Variants in HS6ST3 observed in about 807,000 individuals in gnomAD.
HS6ST3 encodes heparan-sulfate 6-O-sulfotransferase 3.
In HS6ST3, 12 loss-of-function variants were observed where a neutral mutation model predicts 36.7. That is an observed-to-expected ratio of 0.33 (90% CI 0.21 to 0.53). The LOEUF (loss-of-function observed/expected upper bound fraction) is 0.53. Among genes scored for constraint, HS6ST3 ranks in the 20% least tolerant of loss-of-function variants. HS6ST3 has a pLI of 0.95. For missense variants in HS6ST3, 584 were observed against 640.9 expected (o/e 0.91, Z 0.96); for synonymous variants, 240 against 257.5 (o/e 0.93, Z 0.65).
At chr13:96,716,653 A>G (rs1015550293) in intron 1 of HS6ST3, among the ~76,000 whole-genome samples, 18 of 152,276 alleles carry the variant, frequency 1.2e-4, no homozygotes, top group Middle Eastern at 3.4e-3. Flanking sequence ...ATCATCATCT[A>G]TCATCTGTCA....
intron 1 of HS6ST3, among the ~76,000 whole-genome samples, chr13:96,711,352 G>A (rs1431983558): frequency 1.3e-5 from 2 of 152,148 alleles, no homozygotes; most frequent in African/African-American, 2.4e-5. Context: ...CTAATGATAT[G>A]TAACGTATAA....
intron 1 of HS6ST3, among the ~76,000 whole-genome samples, chr13:96,616,973 C>T (rs1341496437): frequency 3.3e-5 from 5 of 152,228 alleles, no homozygotes; most frequent in South Asian, 4.1e-4. Flanking sequence ...CTCTTCTTTC[C>T]GTAAATGTGT....
chr13:96,387,851 C>G (rs903742572), intron 1 of HS6ST3, among the ~76,000 whole-genome samples: 2 of 152,164 alleles, frequency 1.3e-5, no homozygotes, highest in Non-Finnish European at 2.9e-5. Context: ...TGTAAATTCT[C>G]TCTTTTCTGC....
intron 1 of HS6ST3, among the ~76,000 whole-genome samples, chr13:96,525,866 G>C (rs187463963): frequency 6.6e-6 from 1 of 152,190 alleles, no homozygotes; most frequent in Non-Finnish European, 1.5e-5. Context: ...TAAAGACACT[G>C]TTCCTGACCT....
intron 1 of HS6ST3, among the ~76,000 whole-genome samples, chr13:96,361,418 A>G (rs1299840512): frequency 6.6e-6 from 1 of 152,214 alleles, no homozygotes; most frequent in African/African-American, 2.4e-5. Context: ...TTAAAAGACT[A>G]ATTTAAAAGG....
At chr13:96,124,217 T>C (rs2053939737) in intron 1 of HS6ST3, among the ~76,000 whole-genome samples, 1 of 152,314 alleles carries the variant, frequency 6.6e-6, no homozygotes, top group Non-Finnish European at 1.5e-5. Flanking sequence ...TTCTAGCCTG[T>C]TGTTCTACTG....
In HS6ST3 at chr13:96,090,818, C is replaced by A. The variant is rs747269630; in HGVS notation, c.-45C>A. ...CCGAGCGGGCGCCCGTCCGCCCTGC[C>A]GCCGCCGCCGCCGCCGCTTCGCCTG... On this transcript the variant is annotated 5_prime_UTR_variant, in exon 1 of 2. Coordinates refer to ENST00000376705, the MANE Select transcript of HS6ST3 (RefSeq NM_153456.4). 4.1e-5 allele frequency: 51 copies of A among 1,234,104 alleles called. No homozygotes were observed. Among genetic ancestry groups the A allele is most frequent in the Non-Finnish European group, 5.3e-5 (50 of 940,854 alleles). 76.4% of individuals were successfully genotyped at this position (1,234,104 alleles called of 1,614,324 possible). A position where few individuals can be genotyped will look rare whatever the true frequency, so the allele number is the denominator to read the frequency against.
chr13:96,812,965 A>C (rs1423849745), intron 1 of HS6ST3, among the ~76,000 whole-genome samples: 1 of 152,136 alleles, frequency 6.6e-6, no homozygotes, highest in African/African-American at 2.4e-5. Flanking sequence ...GCGTCTGAGG[A>C]CAGAGACTTG....
intron 1 of HS6ST3, among the ~76,000 whole-genome samples, chr13:96,732,562 T>C (rs747032314): frequency 6.6e-6 from 1 of 152,178 alleles, no homozygotes; most frequent in Admixed American, 6.5e-5. Flanking sequence ...CTTTGCAGTA[T>C]ATTTTGAAGT....
intron 1 of HS6ST3, among the ~76,000 whole-genome samples, chr13:96,771,083 G>C (rs971302724): frequency 6.6e-6 from 1 of 152,120 alleles, no homozygotes; most frequent in Non-Finnish European, 1.5e-5. Context: ...TGTCTTTATA[G>C]CAGCATGATT....
intron 1 of HS6ST3, among the ~76,000 whole-genome samples, chr13:96,105,708 A>C (rs754852829): frequency 6.6e-6 from 1 of 152,206 alleles, no homozygotes; most frequent in Non-Finnish European, 1.5e-5. Context: ...TTAGCAAGAG[A>C]GATATAATAA....
At chr13:96,314,849 T>C (rs1468605779) in intron 1 of HS6ST3, among the ~76,000 whole-genome samples, 1 of 152,202 alleles carries the variant, frequency 6.6e-6, no homozygotes, top group East Asian at 1.9e-4. Context: ...TTCATTTTAT[T>C]ACTGATTCTT....
intron 1 of HS6ST3, among the ~76,000 whole-genome samples, chr13:96,584,510 T>A (rs2138971203): frequency 6.6e-6 from 1 of 152,314 alleles, no homozygotes; most frequent in East Asian, 1.9e-4. Flanking sequence ...TCTGTTTTCT[T>A]CACCAGTCTA....
chr13:96,824,352 G>A (rs1878605653), intron 1 of HS6ST3, among the ~76,000 whole-genome samples: 1 of 152,218 alleles, frequency 6.6e-6, no homozygotes, highest in Admixed American at 6.5e-5. Flanking sequence ...ACCAATCGCT[G>A]TGACACACAC....
intron 1 of HS6ST3, among the ~76,000 whole-genome samples, chr13:96,521,473 C>G (rs975586980): frequency 6.6e-6 from 1 of 152,202 alleles, no homozygotes; most frequent in Admixed American, 6.5e-5. Context: ...GTGAATCCAT[C>G]TGGTCCTGGA....
intron 1 of HS6ST3, among the ~76,000 whole-genome samples, chr13:96,130,555 C>T (rs1305676229): frequency 6.6e-6 from 1 of 152,174 alleles, no homozygotes; most frequent in Non-Finnish European, 1.5e-5. Flanking sequence ...CTTTTAGGAT[C>T]TCAAGACATG....
chr13:96,522,359 A>G (rs2056096967), intron 1 of HS6ST3, among the ~76,000 whole-genome samples: 1 of 152,138 alleles, frequency 6.6e-6, no homozygotes, highest in Non-Finnish European at 1.5e-5. Context: ...GTAGATGTCT[A>G]TTAGGTCTGC....
rs936558261 is a variant in HS6ST3, at chr13:96,661,893, C to T, written c.708-170597C>T. Among the ~76,000 whole-genome samples, 6 of 152,174 alleles carry T rather than the reference C, an allele frequency of 3.9e-5. 1 individual carries two copies. Among genetic ancestry groups the T allele is most frequent in the Admixed American group, 6.5e-5 (1 of 15,274 alleles). On this transcript the variant is annotated intron_variant, in intron 1 of 1. Coordinates refer to ENST00000376705, the MANE Select transcript of HS6ST3 (RefSeq NM_153456.4). Reference sequence around the variant, plus strand: ...GATACAAAATTCTTTTCTGGCAGTTCTTTTCTTTAGGAATATTGAAAATAG... The same window carrying T: ...GATACAAAATTCTTTTCTGGCAGTTTTTTTCTTTAGGAATATTGAAAATAG...
intron 1 of HS6ST3, among the ~76,000 whole-genome samples, chr13:96,701,229 T>C (rs377280620): frequency 6.6e-6 from 1 of 152,192 alleles, no homozygotes; most frequent in African/African-American, 2.4e-5. Flanking sequence ...GTGCAGTGTA[T>C]GATTAAAACC....
Sources: gnomAD v4.1 joint callset for allele counts (sites outside exome capture counted in the v4.1 genomes callset) on GRCh38, gnomAD v4.1.1 for gene constraint, MANE v1.5 for transcripts, NCBI Gene and HGNC (gene_info 2026-07-23, HGNC 2026-07-21) for gene names.